Variants in TOGARAM1 observed in about 807,000 individuals in gnomAD.
TOGARAM1 encodes TOG array regulator of axonemal microtubules 1.
A neutral mutation model predicts 166.6 loss-of-function variants in TOGARAM1; 100 were observed. The ratio of observed to expected loss-of-function variants is 0.60; its 90% confidence interval spans 0.51 to 0.71. The LOEUF (loss-of-function observed/expected upper bound fraction) is 0.71, where lower values mean the gene tolerates loss of function less well. TOGARAM1 is among the 30% of genes least tolerant of loss of function. The probability of loss-of-function intolerance (pLI) is 0.00; values close to 1 mark genes in which losing one functional copy is unlikely to be tolerated. For missense variants in TOGARAM1, 2,029 were observed against 2,102.7 expected, an observed-to-expected ratio of 0.96 and a Z score of 0.69; for synonymous variants, 758 against 763.8, an observed-to-expected ratio of 0.99 and a Z score of 0.13.
intron 18 of TOGARAM1, 66 bp downstream of exon 18, chr14:45,068,709 A>C (rs1177949177): frequency 8.6e-6 from 11 of 1,276,644 alleles, no homozygotes; most frequent in Non-Finnish European, 1.2e-5. Context: ...GATTCCATCC[A>C]TACTTTTTTT....
intron 14 of TOGARAM1, among the ~76,000 whole-genome samples, chr14:45,051,106 G>T (rs955176717): frequency 3.9e-5 from 6 of 152,072 alleles, no homozygotes; most frequent in African/African-American, 1.4e-4. Context: ...TAGAATCATT[G>T]GGCTTAAAGT....
rs375634469 is a variant in TOGARAM1, at chr14:44,999,480, G to A, written c.2321G>A (p.Ser774Asn). 12 of 1,605,696 alleles carry A rather than the reference G, an allele frequency of 7.5e-6. No homozygotes were observed. The African/African-American group carries it at 1.6e-4, about 21-fold the overall frequency. Residue 774 changes from serine (S) to asparagine (N), a missense_variant, in exon 3 of 20, where the codon AGC becomes AAC. Physicochemically the swap from Ser to Asn is conservative, Grantham distance 46. This residue lies in a region of TOGARAM1 where 1,453 missense variants were observed against 1,432.2 expected (regional missense o/e 1.01). Coordinates refer to ENST00000361462, the MANE Select transcript of TOGARAM1 (RefSeq NM_001308120.2). ...GACTTACAATTCCTAGGGACAACTA[G>A]CAGTCATCAAGAAAAAGGTATAAGT... ...GSDLQFLGTTSSHQEKVYASL... is the reference protein window; with the variant it reads ...GSDLQFLGTTNSHQEKVYASL...
chr14:44,997,290 C>T (rs1887460789), intron 2 of TOGARAM1: 1 of 150,782 alleles, frequency 6.6e-6, no homozygotes, highest in East Asian at 2.0e-4. Context: ...CCTGTAATCC[C>T]AACTACTCGA....
intron 14 of TOGARAM1, among the ~76,000 whole-genome samples, chr14:45,051,364 CA>C (rs149274038): frequency 5.1e-4 from 78 of 152,214 alleles, no homozygotes; most frequent in Non-Finnish European, 8.2e-4. Flanking sequence ...AGGTGGACAG[CA>C]AATGGTCAAT....
intron 1 of TOGARAM1, among the ~76,000 whole-genome samples, chr14:44,975,037 A>C (rs906245783): frequency 2.6e-5 from 4 of 152,140 alleles, no homozygotes; most frequent in Non-Finnish European, 2.9e-5. Flanking sequence ...TTTCTTTAGC[A>C]TTTTAACAAA....
At chr14:45,039,721 G>GT (rs1881627225) in intron 11 of TOGARAM1, among the ~76,000 whole-genome samples, 1 of 152,244 alleles carries the variant, frequency 6.6e-6, no homozygotes, top group Admixed American at 6.5e-5. Context: ...TTCTGAGCCT[G>GT]TGGGGGGCAG....
chr14:45,066,782 GAATT>G lies in TOGARAM1; in HGVS notation c.4749+20_4749+23del. On this transcript the variant is annotated intron_variant, in intron 17 of 19. Transcript: ENST00000361462. ...ACATTGTGAAGGTAAGGACTTGTCA[GAATT>G]AATTTTAATGTGGGTATGGTGGCTC... 1 of 1,601,510 alleles carries G rather than the reference GAATT, an allele frequency of 6.2e-7. No homozygotes were observed. The highest frequency in any genetic ancestry group is 2.2e-5 in the East Asian group (1 of 44,672).
At position 44,963,462 on chromosome 14, in the gene TOGARAM1, A is replaced by G. The variant is rs1421569516; in HGVS notation, c.1041A>G (p.Lys347=). ...CAVTLSNSNL[K]FGIIPQELHS... is the part of the protein sequence containing the mutation. Reference sequence around the variant, plus strand: ...TGACTCTTTCCAACAGCAATCTTAAATTTGGGATTATTCCTCAGGAGCTGC... The same window carrying G: ...TGACTCTTTCCAACAGCAATCTTAAGTTTGGGATTATTCCTCAGGAGCTGC... Residue 347 remains lysine, a synonymous_variant, in exon 1 of 20, where the codon AAA becomes AAG. Transcript: ENST00000361462. 2.5e-6 allele frequency: 4 copies of G among 1,614,014 alleles called. No homozygotes were observed. The highest frequency in any genetic ancestry group is 3.4e-6 in the Non-Finnish European group (4 of 1,180,030).
At chr14:45,027,874 G>GAAAAAA (rs1278893001) in intron 9 of TOGARAM1, among the ~76,000 whole-genome samples, 15 of 99,646 alleles carry the variant, frequency 1.5e-4, no homozygotes, top group African/African-American at 5.5e-4. Context: ...ACTGTCTCAA[G>GAAAAAA]AAAAAAAAAA....
rs1364445467 is a variant in TOGARAM1, at chr14:44,962,756, C to G, written c.335C>G (p.Ala112Gly). 12 of 1,613,306 alleles carry G rather than the reference C, an allele frequency of 7.4e-6. No individual in the cohort carries two copies. In the Admixed American group the frequency reaches 2.0e-4, roughly 27 times the overall value. Residue 112 changes from alanine to glycine, a missense_variant, in exon 1 of 20, where the codon GCC becomes GGC. Ala to Gly is a moderately conservative substitution (Grantham distance 60, BLOSUM62 0). Around this residue, in one of 2 missense-constraint regions of TOGARAM1, gnomAD observed 1,453 missense variants for 1,432.2 expected, o/e 1.01. Transcript: ENST00000361462. ...LLRTARDPSE[A>G]FQALQAALPR... ...CGCACTGCCCGGGATCCTTCTGAGG[C>G]CTTCCAGGCTTTGCAAGCTGCTTTG...
intron 1 of TOGARAM1, among the ~76,000 whole-genome samples, chr14:44,989,323 G>A (rs1339727445): frequency 3.9e-5 from 6 of 152,140 alleles, no homozygotes; most frequent in Middle Eastern, 3.4e-3. Flanking sequence ...TTCACCATCC[G>A]TTCTTTAGCT....
intron 11 of TOGARAM1, among the ~76,000 whole-genome samples, chr14:45,040,460 A>G (rs1881669769): frequency 6.6e-6 from 1 of 152,210 alleles, no homozygotes; most frequent in Non-Finnish European, 1.5e-5. Flanking sequence ...CCATATGGAA[A>G]TCATTGCAGT....
chr14:44,962,833 C>G lies in TOGARAM1; in HGVS notation c.412C>G (p.Arg138Gly). The G allele has an allele frequency of 6.2e-7, 1 of 1,613,110 alleles. No individual in the cohort carries two copies. Among genetic ancestry groups the G allele is most frequent in the Non-Finnish European group, 8.5e-7 (1 of 1,180,022 alleles). ...CCCCCGACGCAAGGAAGCTTTGTAT[C>G]GGGCACTGGGCCGAGTGCTTGTGGA... ...GFPRRKEALY[R>G]ALGRVLVEGG... The change falls in exon 1 of 20, where the codon CGG becomes GGG. Residue 138 changes from arginine to glycine, a missense_variant. By Grantham distance (125) the Arg-to-Gly change is moderately radical. Transcript: ENST00000361462.
At position 45,011,030 on chromosome 14, in the gene TOGARAM1, T is replaced by A. The variant is rs146230139; in HGVS notation, c.3138-945T>A. 5.3e-3 allele frequency among the ~76,000 whole-genome samples: 806 copies of A among 152,376 alleles called. 2 individuals carry two copies. The highest frequency in any genetic ancestry group is 8.4e-3 in the Non-Finnish European group (569 of 68,034). On this transcript the variant is annotated intron_variant, in intron 6 of 19. Transcript: ENST00000361462. ...TCTTTGTAAAATCTATTCTTTTTAA[T>A]ATTCATTACTAACTTACTGACATTG... is the stretch of plus-strand genomic sequence containing the variant.
chr14:45,039,723 G>C (rs10147260), intron 11 of TOGARAM1, among the ~76,000 whole-genome samples: 4,695 of 152,274 alleles, frequency 0.031, 239 homozygotes, highest in African/African-American at 0.11. Flanking sequence ...CTGAGCCTGT[G>C]GGGGGCAGGG....
In TOGARAM1 at chr14:45,027,262, A is replaced by G. The variant is rs745625869; in HGVS notation, c.3329-37A>G. On this transcript the variant is annotated intron_variant, in intron 8 of 19. Coordinates refer to ENST00000361462, the MANE Select transcript of TOGARAM1 (RefSeq NM_001308120.2). ...TTGTTGTCTAGAGTACCATCACATAATTAGTTAATGACTATTTGGTGGTTG... is the reference window on the plus strand; with the variant it reads ...TTGTTGTCTAGAGTACCATCACATAGTTAGTTAATGACTATTTGGTGGTTG... 10 of 1,605,040 alleles carry G rather than the reference A, an allele frequency of 6.2e-6. No individual in the cohort carries two copies. The South Asian group carries it at 1.1e-4, about 18-fold the overall frequency.
rs1885196602 is a variant in TOGARAM1, at chr14:44,962,411, G to A, written c.-11G>A. 3 of 1,538,524 alleles carry A rather than the reference G, an allele frequency of 1.9e-6. No homozygotes were observed. Among genetic ancestry groups the A allele is most frequent in the South Asian group, 2.5e-5 (2 of 80,078 alleles). On this transcript the variant is annotated 5_prime_UTR_variant, in exon 1 of 20. Coordinates refer to ENST00000361462, the MANE Select transcript of TOGARAM1 (RefSeq NM_001308120.2). ...TGGTTTCTTCCAACCACCACCACCT[G>A]ACAACCCTGCATGGCGGCTGCCCCC...
At chr14:45,061,691 C>G (rs552201705) in intron 16 of TOGARAM1, among the ~76,000 whole-genome samples, 1 of 151,708 alleles carries the variant, frequency 6.6e-6, no homozygotes, top group East Asian at 1.9e-4. Context: ...AAAATGATAA[C>G]TTGTATTCCT....
intron 1 of TOGARAM1, among the ~76,000 whole-genome samples, chr14:44,976,938 A>T (rs1466706308): frequency 6.6e-6 from 1 of 152,200 alleles, no homozygotes; most frequent in Non-Finnish European, 1.5e-5. Flanking sequence ...TAAACCTAAA[A>T]ATTAGTATTT....
Sources: allele counts gnomAD v4.1 joint callset (sites outside exome capture counted in the v4.1 genomes callset), GRCh38; gene constraint gnomAD v4.1.1; regional missense constraint gnomAD v4.1.1; transcripts MANE v1.5; gene names NCBI Gene and HGNC (gene_info 2026-07-23, HGNC 2026-07-21).